Variants in NME7 observed in about 807,000 individuals in gnomAD.
The protein encoded by NME7 is NME/NM23 family member 7.
NME7 carries 41 observed loss-of-function variants against 49.1 expected under a neutral mutation model. That is an observed-to-expected ratio of 0.83 (90% confidence interval 0.65 to 1.08). The LOEUF (loss-of-function observed/expected upper bound fraction) is 1.08, where lower values mean the gene tolerates loss of function less well. Among genes scored for constraint, NME7 ranks in the 50% least tolerant of loss-of-function variants. The pLI is 0.00. For synonymous variants in NME7, 139 were observed against 150.6 expected, an observed-to-expected ratio of 0.92 and a Z score of 0.56; for missense variants, 423 against 463.4, an observed-to-expected ratio of 0.91 and a Z score of 0.80.
intron 10 of NME7, among the ~76,000 whole-genome samples, chr1:169,207,727 A>G (rs554298833): frequency 6.6e-6 from 1 of 152,268 alleles, no homozygotes; most frequent in African/African-American, 2.4e-5. Flanking sequence ...ACTTTCTAAC[A>G]TTGATGAGAA....
intron 11 of NME7, chr1:169,168,731 C>T (rs991931277): frequency 8.0e-5 from 31 of 387,694 alleles, no homozygotes; most frequent in Non-Finnish European, 1.2e-4. Context: ...TGCTGTTGAC[C>T]GGGAGCTTCA....
chr1:169,357,787 G>A (rs1292826244), intron 1 of NME7, among the ~76,000 whole-genome samples: 1 of 152,008 alleles, frequency 6.6e-6, no homozygotes, highest in Non-Finnish European at 1.5e-5. Flanking sequence ...GGTCTGAACG[G>A]TCTCATTGTA....
chr1:169,290,199 T>C (rs1650443840), intron 6 of NME7, among the ~76,000 whole-genome samples: 2 of 152,152 alleles, frequency 1.3e-5, no homozygotes, highest in South Asian at 4.1e-4. Flanking sequence ...CTAATAATTT[T>C]ATTATGATAA....
intron 7 of NME7, among the ~76,000 whole-genome samples, chr1:169,242,998 A>G (rs533954866): frequency 5.3e-4 from 80 of 152,260 alleles, no homozygotes; most frequent in African/African-American, 1.7e-3. Flanking sequence ...GTTTAACAAA[A>G]TTGTTATCAA....
At chr1:169,287,757 T>C (rs1020756185) in intron 6 of NME7, among the ~76,000 whole-genome samples, 2 of 152,120 alleles carry the variant, frequency 1.3e-5, no homozygotes, top group Non-Finnish European at 2.9e-5. Context: ...AGACACAAAT[T>C]TAATTTTAAA....
chr1:169,158,523 C>T (rs1270453348), intron 11 of NME7, among the ~76,000 whole-genome samples: 2 of 152,006 alleles, frequency 1.3e-5, no homozygotes, highest in Non-Finnish European at 2.9e-5. Context: ...CCATGAATAA[C>T]GGGGCTCTAC....
intron 3 of NME7, among the ~76,000 whole-genome samples, chr1:169,312,111 A>C (rs1233220391): frequency 6.6e-6 from 1 of 152,174 alleles, no homozygotes; most frequent in East Asian, 1.9e-4. Context: ...ACAATTTCTC[A>C]AGGTTCTGTA....
Position 169,241,659 on chromosome 1 carries a change from A to G in NME7, c.755-3972T>C, listed in dbSNP as rs999214289. 2.6e-5 allele frequency among the ~76,000 whole-genome samples: 4 copies of G among 151,934 alleles called. No homozygotes were observed. In the East Asian group the frequency reaches 7.7e-4, roughly 29 times the overall value. On this transcript the variant is annotated intron_variant, in intron 7 of 11. Coordinates refer to ENST00000367811, the MANE Select transcript of NME7 (RefSeq NM_013330.5). ...GTAATAAAAAAATTTTAAGTTCTAA[A>G]TAATAAAAAACAGGAAAAAGTTAGA...
intron 7 of NME7, chr1:169,247,075 A>T (rs1029912489): frequency 2.2e-6 from 1 of 456,294 alleles, no homozygotes; most frequent in Non-Finnish European, 4.4e-6. Context: ...GAAGAAAGAC[A>T]GGCTCAGCAT....
intron 10 of NME7, among the ~76,000 whole-genome samples, chr1:169,173,717 T>C: frequency 6.6e-6 from 1 of 152,056 alleles, no homozygotes; most frequent in Non-Finnish European, 1.5e-5. Flanking sequence ...TCCTGATGGA[T>C]TGTCCCTAAT....
chr1:169,133,392 C>A (rs1014078811), intron 11 of NME7, among the ~76,000 whole-genome samples: 1 of 152,214 alleles, frequency 6.6e-6, no homozygotes, highest in Non-Finnish European at 1.5e-5. Context: ...GAGGAGCTCA[C>A]ACACATCCTT....
chr1:169,197,130 G>A (rs940037787), intron 10 of NME7, among the ~76,000 whole-genome samples: 5 of 151,894 alleles, frequency 3.3e-5, no homozygotes, highest in Admixed American at 6.6e-5. Flanking sequence ...GTAAATAAGA[G>A]TACCTATATT....
In NME7 at chr1:169,354,961, TATATA is replaced by T. The variant is rs1207549801; in HGVS notation, c.3+12742_3+12746del. 3.2e-3 allele frequency among the ~76,000 whole-genome samples: 209 copies of T among 64,994 alleles called. 19 individuals carry two copies. Among genetic ancestry groups the T allele is most frequent in the African/African-American group, 7.7e-3 (138 of 17,820 alleles). The allele number at this position is 64,994 out of a possible 152,430, so 42.6% of individuals were successfully genotyped here. ...ATGTATTATATATTATATATGTTTATATATAATATAATTATATATGTTTATATATA... is the reference window on the plus strand; with the variant it reads ...ATGTATTATATATTATATATGTTTATATATAATTATATATGTTTATATATA... On this transcript the variant is annotated intron_variant, in intron 1 of 11. Coordinates refer to ENST00000367811, the MANE Select transcript of NME7 (RefSeq NM_013330.5).
intron 11 of NME7, among the ~76,000 whole-genome samples, chr1:169,142,866 T>C (rs1167583003): frequency 2.0e-5 from 3 of 152,208 alleles, no homozygotes; most frequent in African/African-American, 4.8e-5. Flanking sequence ...TGGTTAAGGA[T>C]TGGAGCTGCT....
At chr1:169,257,779 T>C (rs976881185) in intron 7 of NME7, among the ~76,000 whole-genome samples, 1 of 134,172 alleles carries the variant, frequency 7.5e-6, no homozygotes, top group African/African-American at 2.5e-5. Flanking sequence ...TTAATTCTCC[T>C]TCATTTACAA....
chr1:169,360,257 C>A (rs906477307), intron 1 of NME7, among the ~76,000 whole-genome samples: 1 of 151,902 alleles, frequency 6.6e-6, no homozygotes, highest in Admixed American at 6.6e-5. Context: ...GAAATGGCAA[C>A]TATAAGGGAT....
chr1:169,157,100 T>C (rs13376083), intron 11 of NME7, among the ~76,000 whole-genome samples: 2,600 of 152,300 alleles, frequency 0.017, 70 homozygotes, highest in African/African-American at 0.057. Flanking sequence ...CAGTGGACTT[T>C]TCTGGCAACT....
chr1:169,255,666 CT>C lies in NME7; in HGVS notation c.755-17980del, dbSNP rs1001377708. Among the ~76,000 whole-genome samples, 154 of 126,500 alleles carry C rather than the reference CT, an allele frequency of 1.2e-3. 35 individuals are homozygous for C. Among genetic ancestry groups the C allele is most frequent in the Non-Finnish European group, 1.9e-3 (102 of 54,820 alleles). 83.0% of individuals were successfully genotyped at this position (126,500 alleles called of 152,430 possible). A position where few individuals can be genotyped will look rare whatever the true frequency, so the allele number is the denominator to read the frequency against. ...GCAGTTTCTTCCTAGTCTTGATGGT[CT>C]TTACATTTTGGCATGATTTTGCAGC... is the stretch of plus-strand genomic sequence containing the variant. On this transcript the variant is annotated intron_variant, in intron 7 of 11. Coordinates refer to ENST00000367811, the MANE Select transcript of NME7 (RefSeq NM_013330.5).
intron 11 of NME7, among the ~76,000 whole-genome samples, chr1:169,158,149 G>C (rs1201107363): frequency 2.0e-5 from 3 of 152,148 alleles, no homozygotes; most frequent in Non-Finnish European, 4.4e-5. Context: ...AAATACAGTA[G>C]TGCCCCCTTA....
Sources: allele counts gnomAD v4.1 joint callset (sites outside exome capture counted in the v4.1 genomes callset), GRCh38; gene constraint gnomAD v4.1.1; transcripts MANE v1.5; gene names NCBI Gene and HGNC (gene_info 2026-07-23, HGNC 2026-07-21).